The following FCRLA variants were observed in gnomAD, a reference collection of about 807,000 sequenced individuals.
FCRLA encodes Fc receptor-like A.
In FCRLA, 26 loss-of-function variants were observed where a neutral mutation model predicts 28.4. That is an observed-to-expected ratio of 0.91 (90% CI 0.67 to 1.27). FCRLA has a LOEUF of 1.27. FCRLA is among the 50% of genes most tolerant of loss of function. FCRLA has a pLI of 0.00. For missense variants in FCRLA, 422 were observed against 433.1 expected, an observed-to-expected ratio of 0.97 and a Z score of 0.23; for synonymous variants, 174 against 168.5, an observed-to-expected ratio of 1.03 and a Z score of -0.25.
At position 161,712,086 on chromosome 1, in the gene FCRLA, A is replaced by G. The variant is rs1389032614; in HGVS notation, c.652A>G (p.Ser218Gly). ...SFYKDGRIVQ[S>G]RGLSSEFQIP... ...CTACAAGGATGGAAGGATAGTGCAA[A>G]GCAGGGGGCTCTCCTCAGAATTCCA... is the stretch of plus-strand genomic sequence containing the variant. Residue 218 changes from serine (S) to glycine (G), a missense_variant, in exon 4 of 5, where the codon AGC becomes GGC. Transcript: ENST00000236938. The G allele has an allele frequency of 1.9e-6, 3 of 1,614,188 alleles. No homozygotes were observed. The highest frequency in any genetic ancestry group is 2.5e-6 in the Non-Finnish European group (3 of 1,180,028).
chr1:161,710,976 A>G, intron 2 of FCRLA, 64 bp downstream of exon 2: 1 of 1,596,480 alleles, frequency 6.3e-7, no homozygotes, highest in East Asian at 2.2e-5. Flanking sequence ...GAGCCCACCC[A>G]GGAAAGTGTC....
Position 161,713,266 on chromosome 1 carries a change from CCTT to C in FCRLA, c.972_974del (p.Leu325del). On this transcript the variant is annotated inframe_deletion, in exon 5 of 5. Coordinates refer to ENST00000236938, the MANE Select transcript of FCRLA (RefSeq NM_032738.4). ...ATCCTCATCTGTATCACCAGATGGG[CCTT>C]CTTCTCAAACACATGCAGGATGTGA... 1 of 1,614,154 alleles carries C rather than the reference CCTT, an allele frequency of 6.2e-7. No individual in the cohort carries two copies. Among genetic ancestry groups the C allele is most frequent in the Non-Finnish European group, 8.5e-7 (1 of 1,180,000 alleles).
chr1:161,713,105 C>T lies in FCRLA; in HGVS notation c.805C>T (p.Pro269Ser). The change falls in exon 5 of 5, where the codon CCT becomes TCT. Residue 269 changes from proline to serine, a missense_variant. Transcript: ENST00000236938. ...RVQGASSSAA[P>S]PTLNPAPQKS... ...TTCAGGTGCTTCCAGCTCTGCTGCA[C>T]CTCCCACATTGAATCCAGCTCCTCA... The T allele has an allele frequency of 3.7e-6, 6 of 1,613,610 alleles. No homozygotes were observed. The highest frequency in any genetic ancestry group is 5.1e-6 in the Non-Finnish European group (6 of 1,179,824).
In FCRLA at chr1:161,713,858, A is replaced by G. The variant is rs1683229180; in HGVS notation, c.*478A>G. ...ATAATGCACAGGGCAGTACCCCACAACGAAAAATAATCTGGCCCAAAATGT... is the reference window on the plus strand; with the variant it reads ...ATAATGCACAGGGCAGTACCCCACAGCGAAAAATAATCTGGCCCAAAATGT... On this transcript the variant is annotated 3_prime_UTR_variant, in exon 5 of 5. Coordinates refer to ENST00000236938, the MANE Select transcript of FCRLA (RefSeq NM_032738.4). 6.5e-6 allele frequency: 1 copy of G among 152,822 alleles called. No individual in the cohort carries two copies. 9.5% of individuals were successfully genotyped at this position (152,822 alleles called of 1,614,324 possible).
At chr1:161,708,823 CTTA>C (rs1382480011) in intron 1 of FCRLA, among the ~76,000 whole-genome samples, 3 of 152,142 alleles carry the variant, frequency 2.0e-5, no homozygotes, top group Admixed American at 6.5e-5. Context: ...ATACATTTTT[CTTA>C]TTATAATATT....
At position 161,711,476 on chromosome 1, in the gene FCRLA, T is replaced by G. The variant is rs772043962; in HGVS notation, c.499+2T>G. ...CTGTTGTGGCTATCACAGTCCAAGG[T>G]GAGAGCTAGAAGCAGCATTGTCATG... On this transcript the variant is annotated splice_donor_variant, in intron 3 of 4. Transcript: ENST00000236938. LOFTEE classifies it high-confidence loss of function. 1.9e-6 allele frequency: 3 copies of G among 1,610,682 alleles called. No individual in the cohort carries two copies. The South Asian group carries it at 3.3e-5, about 18-fold the overall frequency.
At chr1:161,711,852 A>AC in intron 3 of FCRLA, 82 bp from the exon 4 acceptor site, 1 of 1,464,170 alleles carries the variant, frequency 6.8e-7, no homozygotes, top group Non-Finnish European at 9.2e-7. Context: ...AGGAAGTATG[A>AC]CTCCCCAAGT....
chr1:161,707,369 G>A, intron 1 of FCRLA, 26 bp downstream of exon 1: 1 of 1,561,168 alleles, frequency 6.4e-7, no homozygotes, highest in African/African-American at 1.4e-5. Context: ...GAATATTGGT[G>A]TGGGAATGGA....
chr1:161,712,058 C>A lies in FCRLA; in HGVS notation c.624C>A (p.Ser208=). 6.2e-7 allele frequency: 1 copy of A among 1,614,158 alleles called. No homozygotes were observed. Among genetic ancestry groups the A allele is most frequent in the Admixed American group, 1.7e-5 (1 of 60,014 alleles). ...GGTCAGCTGCCCGCCTCCTCTTCTC[C>A]TTCTACAAGGATGGAAGGATAGTGC... ...LQRSAARLLF[S]FYKDGRIVQS... The change falls in exon 4 of 5, where the codon TCC becomes TCA. Residue 208 remains serine (S), a synonymous_variant. Coordinates refer to ENST00000236938, the MANE Select transcript of FCRLA (RefSeq NM_032738.4).
rs754322132 is a variant in FCRLA at position 161,713,188 on chromosome 1, G to A, written c.888G>A (p.Pro296=). The part of the protein sequence containing the change: ...PEEAPGPLPP[P]PTPSSEDPGF... ...AGGCCCCTGGGCCTCTGCCTCCGCC[G>A]CCAACCCCATCTTCTGAGGATCCAG... The change falls in exon 5 of 5, where the codon CCG becomes CCA. Residue 296 remains proline, a synonymous_variant. Transcript: ENST00000236938. The A allele has an allele frequency of 2.7e-5, 43 of 1,614,044 alleles. No homozygotes were observed. The South Asian group carries it at 2.9e-4, about 11-fold the overall frequency.
intron 1 of FCRLA, chr1:161,710,504 C>T: frequency 6.4e-7 from 1 of 1,550,562 alleles, no homozygotes; most frequent in South Asian, 1.2e-5. Flanking sequence ...TGAGTTTCAC[C>T]ATTCTTTCAT....
chr1:161,711,086 A>G, intron 2 of FCRLA, 122 bp from the exon 3 acceptor site: 2 of 1,459,136 alleles, frequency 1.4e-6, no homozygotes, highest in Admixed American at 4.3e-5. Flanking sequence ...GTTGTCCCAT[A>G]CTCCCAACCA....
In FCRLA at chr1:161,713,553, T is replaced by A. The variant is rs555972918; in HGVS notation, c.*173T>A. ...AATTTATATAAAGTGAGAATTAGAG[T>A]TTAGCTATAATTGTGTATTCTCTCT... On this transcript the variant is annotated 3_prime_UTR_variant, in exon 5 of 5. Transcript: ENST00000236938. 363 of 594,002 alleles carry A rather than the reference T, an allele frequency of 6.1e-4. 2 individuals carry two copies. The highest frequency in any genetic ancestry group is 5.8e-3 in the African/African-American group (313 of 53,712). The allele number at this position is 594,002 out of a possible 1,614,324, so 36.8% of individuals were successfully genotyped here.
chr1:161,712,343 C>A (rs56270452), intron 4 of FCRLA, 125 bp downstream of exon 4: 21,571 of 1,135,518 alleles, frequency 0.019, 261 homozygotes, highest in Non-Finnish European at 0.024. Flanking sequence ...ACAGAGGGGG[C>A]AGGAACAATG....
chr1:161,712,245 T>A, intron 4 of FCRLA, 27 bp downstream of exon 4: 1 of 1,595,202 alleles, frequency 6.3e-7, no homozygotes, highest in Non-Finnish European at 8.6e-7. Flanking sequence ...GTGCAGGTTG[T>A]CTGTTTGGCA....
At chr1:161,710,374 G>C (rs1186918480) in intron 1 of FCRLA, 3 of 1,109,180 alleles carry the variant, frequency 2.7e-6, no homozygotes, top group Admixed American at 2.0e-5. Flanking sequence ...GCAGGGTCTG[G>C]CACCCAGTGA....
intron 1 of FCRLA, among the ~76,000 whole-genome samples, chr1:161,709,487 CA>C (rs1682992700): frequency 6.6e-6 from 1 of 152,010 alleles, no homozygotes; most frequent in African/African-American, 2.4e-5. Flanking sequence ...AGATGAGTGA[CA>C]GTGGAGGAAC....
In FCRLA at chr1:161,711,297, A is replaced by G. The variant is rs61741806; in HGVS notation, c.322A>G (p.Thr108Ala). 3.2e-3 allele frequency: 5,122 copies of G among 1,613,932 alleles called. 142 individuals carry two copies. The African/African-American group carries it at 0.061, about 19-fold the overall frequency. The stretch of plus-strand genomic sequence containing the variant: ...CCAGGCCTGGCAAGACTGGCCACTG[A>G]CTCAGGTGACCTTCTACCGAGATGG... ...RCQAWQDWPL[T>A]QVTFYRDGSA... The change falls in exon 3 of 5, where the codon ACT (threonine) becomes GCT (alanine). Residue 108 changes from threonine to alanine, a missense_variant. By Grantham distance (58) the Thr-to-Ala change is moderately conservative. Around this residue, in one of 3 missense-constraint regions of FCRLA, gnomAD observed 231 missense variants for 214.6 expected, o/e 1.08. Transcript: ENST00000236938.
At position 161,713,388 on chromosome 1, in the gene FCRLA, C is replaced by A. The variant is rs1683210868; in HGVS notation, c.*8C>A. The A allele has an allele frequency of 6.2e-7, 1 of 1,603,674 alleles. No individual in the cohort carries two copies. Among genetic ancestry groups the A allele is most frequent in the Non-Finnish European group, 8.5e-7 (1 of 1,173,608 alleles). ...AAGGCTACTGCTGAATAGAAGTAAA[C>A]AGTTCATCCATGATCTCACTTAACC... On this transcript the variant is annotated 3_prime_UTR_variant, in exon 5 of 5. Coordinates refer to ENST00000236938, the MANE Select transcript of FCRLA (RefSeq NM_032738.4).
Sources: gnomAD v4.1 joint callset for allele counts (sites outside exome capture counted in the v4.1 genomes callset) on GRCh38, gnomAD v4.1.1 for gene constraint, gnomAD v4.1.1 regional missense constraint, MANE v1.5 for transcripts, NCBI Gene and HGNC (gene_info 2026-07-23, HGNC 2026-07-21) for gene names.